Variants in CLASP2 observed in about 807,000 individuals in gnomAD.
The protein encoded by CLASP2 is cytoplasmic linker associated protein 2, also known as CLIP-associating protein 2.
A neutral mutation model predicts 194.4 loss-of-function variants in CLASP2; 47 were observed. The ratio of observed to expected loss-of-function variants is 0.24; its 90% CI spans 0.19 to 0.31. CLASP2 has a LOEUF of 0.31. CLASP2 is among the 10% of genes least tolerant of loss of function. CLASP2 has a pLI of 1.00. For missense variants in CLASP2, 1,445 were observed against 1,823.6 expected (o/e 0.79, Z 3.78); for synonymous variants, 619 against 633.5 (o/e 0.98, Z 0.34).
intron 34 of CLASP2, among the ~76,000 whole-genome samples, chr3:33,521,887 C>G (rs981745182): frequency 4.8e-5 from 4 of 83,526 alleles, no homozygotes; most frequent in Non-Finnish European, 1.0e-4. Context: ...ACTCCCCCCT[C>G]CACCAGCCCC....
At chr3:33,522,264 T>C (rs112876613) in intron 34 of CLASP2, among the ~76,000 whole-genome samples, 2,397 of 152,268 alleles carry the variant, frequency 0.016, 21 homozygotes, top group South Asian at 0.029. Flanking sequence ...AACAACTGCA[T>C]ACACATGGAG....
chr3:33,632,182 T>C (rs1046868822), intron 9 of CLASP2, 110 bp downstream of exon 9: 1 of 595,026 alleles, frequency 1.7e-6, no homozygotes, highest in African/African-American at 1.9e-5. Context: ...AAATATTTCA[T>C]TTATATAGCT....
At position 33,619,707 on chromosome 3, in the gene CLASP2, C is replaced by A; in HGVS notation, c.1213G>T (p.Asp405Tyr). Residue 405 changes from aspartate (D) to tyrosine (Y), a missense_variant, in exon 12 of 39, where the codon GAT (aspartate) becomes TAT (tyrosine). By Grantham distance (160) the Asp-to-Tyr change is radical. Around this residue, in one of 4 missense-constraint regions of CLASP2, gnomAD observed 207 missense variants for 331.4 expected, o/e 0.62. Coordinates refer to ENST00000682230, the MANE Select transcript of CLASP2 (RefSeq NM_001365631.1). ...HLSTVLGNKF[D>Y]HGAEAIVPTL... ...GGTACAATGGCTTCAGCGCCATGAT[C>A]AAACTTGTTTCCCAAAACTGTTGAA... 1 of 1,586,948 alleles carries A rather than the reference C, an allele frequency of 6.3e-7. No homozygotes were observed. The highest frequency in any genetic ancestry group is 1.2e-5 in the South Asian group (1 of 86,384).
chr3:33,535,531 G>T, intron 33 of CLASP2, 70 bp from the exon 34 acceptor site: 1 of 1,232,314 alleles, frequency 8.1e-7, no homozygotes, highest in South Asian at 1.5e-5. Context: ...ATTCTAAAAA[G>T]ATATTTCTCT....
At chr3:33,609,892 G>A (rs1209430839) in intron 13 of CLASP2, among the ~76,000 whole-genome samples, 1 of 152,168 alleles carries the variant, frequency 6.6e-6, no homozygotes, top group Admixed American at 6.6e-5. Context: ...ATTAGGAAAT[G>A]AGAAATGGGG....
chr3:33,715,971 T>C (rs890232442), intron 1 of CLASP2, among the ~76,000 whole-genome samples: 8 of 150,874 alleles, frequency 5.3e-5, no homozygotes, highest in Non-Finnish European at 1.2e-4. Context: ...TTCTATGCTA[T>C]AGAATTCAAC....
At chr3:33,584,285 T>TG (rs1305850305) in intron 22 of CLASP2, among the ~76,000 whole-genome samples, 1 of 149,220 alleles carries the variant, frequency 6.7e-6, no homozygotes, top group East Asian at 1.9e-4. Flanking sequence ...GTTTTGGGTT[T>TG]TTTTTTTTTT....
chr3:33,510,546 T>C lies in CLASP2; in HGVS notation c.4317+12A>G, dbSNP rs756720934. ...TATCATGGCTTATTCCTCTCCAAGC[T>C]TTGTTGCTTACCTGTATTAGACCTG... On this transcript the variant is annotated intron_variant, in intron 37 of 38. Transcript: ENST00000682230. 14 of 1,612,574 alleles carry C rather than the reference T, an allele frequency of 8.7e-6. No individual in the cohort carries two copies.
intron 37 of CLASP2, 69 bp from the exon 38 acceptor site, chr3:33,501,837 C>T (rs527409122): frequency 9.4e-5 from 87 of 923,200 alleles, no homozygotes; most frequent in Admixed American, 6.6e-4. Flanking sequence ...TTAACAGGGT[C>T]AGAAGATGCA....
intron 34 of CLASP2, among the ~76,000 whole-genome samples, chr3:33,530,314 A>G (rs1467561217): frequency 6.6e-6 from 1 of 151,938 alleles, no homozygotes; most frequent in East Asian, 1.9e-4. Flanking sequence ...AACTTTACAA[A>G]AAAAAATTAG....
intron 7 of CLASP2, among the ~76,000 whole-genome samples, chr3:33,647,724 T>C (rs1357803797): frequency 6.6e-6 from 1 of 152,196 alleles, no homozygotes; most frequent in African/African-American, 2.4e-5. Flanking sequence ...ATCTCTGCTC[T>C]AGGCTAACTA....
At position 33,581,927 on chromosome 3, in the gene CLASP2, G is replaced by T; in HGVS notation, c.2241C>A (p.Ala747=). 6.2e-7 allele frequency: 1 copy of T among 1,609,246 alleles called. No individual in the cohort carries two copies. Among genetic ancestry groups the T allele is most frequent in the Non-Finnish European group, 8.5e-7 (1 of 1,176,070 alleles). Residue 747 remains alanine (A), a splice_region_variant and synonymous_variant, in exon 23 of 39, where the codon GCC becomes GCA. Transcript: ENST00000682230. ...TTGGTCGAGGAATACGACTGCTTCG[G>T]GCTGGTGTGAAGCAACAGCAGCACA... ...REASPSRLSV[A]RSSRIPRPSV... is the part of the protein sequence containing the mutation.
chr3:33,607,497 AG>A, intron 14 of CLASP2, 36 bp from the exon 15 acceptor site: 2 of 1,455,152 alleles, frequency 1.4e-6, no homozygotes, highest in Non-Finnish European at 1.9e-6. Context: ...GTTATGATAT[AG>A]CTGTATGTTT....
intron 7 of CLASP2, chr3:33,659,109 ACCCAGG>A: frequency 6.8e-7 from 1 of 1,468,970 alleles, no homozygotes; most frequent in Non-Finnish European, 9.0e-7. Context: ...GCACTGTGTG[ACCCAGG>A]CCTCGCTGCA....
At chr3:33,550,273 G>A (rs1214606707) in intron 30 of CLASP2, among the ~76,000 whole-genome samples, 1 of 150,758 alleles carries the variant, frequency 6.6e-6, no homozygotes, top group Non-Finnish European at 1.5e-5. Context: ...GTGGGTGCCT[G>A]TAATCCCAGC....
At chr3:33,688,634 T>C (rs895663544) in intron 3 of CLASP2, among the ~76,000 whole-genome samples, 1 of 152,180 alleles carries the variant, frequency 6.6e-6, no homozygotes, top group Admixed American at 6.5e-5. Flanking sequence ...GTCCAACAAC[T>C]GAAAACCTTA....
intron 26 of CLASP2, among the ~76,000 whole-genome samples, chr3:33,568,132 A>C (rs908939727): frequency 6.6e-6 from 1 of 152,208 alleles, no homozygotes; most frequent in Non-Finnish European, 1.5e-5. Context: ...TTTAGTGTCA[A>C]CGACAAAGAG....
chr3:33,522,983 G>A (rs2053572818), intron 34 of CLASP2, among the ~76,000 whole-genome samples: 1 of 152,210 alleles, frequency 6.6e-6, no homozygotes, highest in South Asian at 2.1e-4. Flanking sequence ...GGCTGAGACA[G>A]GAGAATGGCA....
chr3:33,534,585 C>CTTA (rs2056981662), intron 34 of CLASP2, among the ~76,000 whole-genome samples: 1 of 152,090 alleles, frequency 6.6e-6, no homozygotes, highest in African/African-American at 2.4e-5. Context: ...AACACTAAAA[C>CTTA]ATTTGTAGTG....
Sources: gnomAD v4.1 joint callset for allele counts (sites outside exome capture counted in the v4.1 genomes callset) on GRCh38, gnomAD v4.1.1 for gene constraint, gnomAD v4.1.1 regional missense constraint, MANE v1.5 for transcripts, NCBI Gene and HGNC (gene_info 2026-07-23, HGNC 2026-07-21) for gene names.